The following VPS39 variants were observed in gnomAD, a reference collection of about 807,000 sequenced individuals.
The protein encoded by VPS39 is vam6/Vps39-like protein.
VPS39 carries 70 observed loss-of-function variants against 121.0 expected under a neutral mutation model. The ratio of observed to expected loss-of-function variants is 0.58; its 90% CI spans 0.48 to 0.71. The LOEUF is 0.71. Among genes scored for constraint, VPS39 ranks in the 30% least tolerant of loss-of-function variants. The pLI is 0.00. For missense variants in VPS39, 818 were observed against 1,051.5 expected, an observed-to-expected ratio of 0.78 and a Z score of 3.07; for synonymous variants, 378 against 398.1, an observed-to-expected ratio of 0.95 and a Z score of 0.60.
At chr15:42,205,063 C>G (rs921958589) in intron 1 of VPS39, among the ~76,000 whole-genome samples, 1 of 151,978 alleles carries the variant, frequency 6.6e-6, no homozygotes, top group Admixed American at 6.6e-5. Context: ...TTATAAAAGC[C>G]TAATACAGAT....
At chr15:42,168,634 C>G (rs1308318047) in intron 12 of VPS39, among the ~76,000 whole-genome samples, 1 of 151,784 alleles carries the variant, frequency 6.6e-6, no homozygotes, top group Non-Finnish European at 1.5e-5. Flanking sequence ...ACCTCTGCCT[C>G]CTGAGTTCAA....
intron 10 of VPS39, among the ~76,000 whole-genome samples, chr15:42,175,876 C>A (rs1386412974): frequency 6.6e-6 from 1 of 152,130 alleles, no homozygotes; most frequent in Non-Finnish European, 1.5e-5. Context: ...TGCTCTTGAT[C>A]CTAATCTAAC....
At position 42,169,772 on chromosome 15, in the gene VPS39, C is replaced by A. The variant is rs1450522734; in HGVS notation, c.1185G>T (p.Gly395=). The A allele has an allele frequency of 1.2e-6, 2 of 1,614,120 alleles. No individual in the cohort carries two copies. Among genetic ancestry groups the A allele is most frequent in the Admixed American group, 1.7e-5 (1 of 60,016 alleles). The change falls in exon 12 of 25, where the codon GGG becomes GGT. Residue 395 remains glycine (G), a synonymous_variant. Coordinates refer to ENST00000318006, the MANE Select transcript of VPS39 (RefSeq NM_015289.5). ...CTAAGTGAGCCTTCTCCAATTCAGC[C>A]CCGGAGAGCACAGGCAATGGGTTGG... ...QYPNPLPVLS[G]AELEKAHLAL... is the part of the protein sequence containing the mutation.
chr15:42,192,216 TATC>T (rs932168466), intron 2 of VPS39: 53 of 958,460 alleles, frequency 5.5e-5, no homozygotes, highest in Non-Finnish European at 7.7e-5. Flanking sequence ...AGAGAATAAT[TATC>T]ATCATCATCA....
chr15:42,181,446 C>T (rs1306735089), intron 8 of VPS39, among the ~76,000 whole-genome samples: 1 of 151,958 alleles, frequency 6.6e-6, no homozygotes, highest in Non-Finnish European at 1.5e-5. Flanking sequence ...TTCAGTTTTG[C>T]AACATAAAAA....
intron 11 of VPS39, among the ~76,000 whole-genome samples, chr15:42,173,396 T>C (rs2049384013): frequency 6.6e-6 from 1 of 152,230 alleles, no homozygotes; most frequent in Non-Finnish European, 1.5e-5. Context: ...CCAAGGACTT[T>C]GGTTCAGAAC....
chr15:42,196,837 G>T (rs2049950769), intron 2 of VPS39, among the ~76,000 whole-genome samples: 1 of 152,048 alleles, frequency 6.6e-6, no homozygotes, highest in Non-Finnish European at 1.5e-5. Context: ...TATACCCAAA[G>T]GATTATAGAT....
At chr15:42,161,630 C>T (rs769935979) in intron 24 of VPS39, 52 bp downstream of exon 24, 31 of 1,575,556 alleles carry the variant, frequency 2.0e-5, no homozygotes, top group Non-Finnish European at 2.6e-5. Context: ...GTTCTCCACC[C>T]CTGGGAACCT....
intron 22 of VPS39, 47 bp from the exon 23 acceptor site, chr15:42,162,213 G>C (rs772627937): frequency 4.3e-6 from 7 of 1,611,344 alleles, no homozygotes; most frequent in Non-Finnish European, 5.1e-6. Context: ...GAACAGGAGT[G>C]AGAATGAAGA....
intron 2 of VPS39, among the ~76,000 whole-genome samples, chr15:42,194,082 T>C (rs1353202314): frequency 1.3e-5 from 2 of 152,160 alleles, no homozygotes; most frequent in African/African-American, 4.8e-5. Context: ...AAAAGATGTG[T>C]TGCCAAAAGT....
intron 1 of VPS39, among the ~76,000 whole-genome samples, chr15:42,204,614 C>A (rs1219054491): frequency 6.6e-6 from 1 of 152,078 alleles, no homozygotes; most frequent in Non-Finnish European, 1.5e-5. Context: ...TGCACCACTG[C>A]ACTTCAGCCT....
chr15:42,208,004 C>T (rs575157005), intron 1 of VPS39, 77 bp downstream of exon 1: 4 of 1,487,662 alleles, frequency 2.7e-6, no homozygotes, highest in East Asian at 4.9e-5. Flanking sequence ...GGACGCCTGT[C>T]CACTTCCCCG....
intron 2 of VPS39, 77 bp downstream of exon 2, chr15:42,199,819 C>T (rs1199181724): frequency 1.4e-6 from 2 of 1,446,594 alleles, no homozygotes; most frequent in Non-Finnish European, 1.9e-6. Context: ...TTTAATGGTC[C>T]AGGAATAACT....
At chr15:42,176,620 G>A (rs1221588393) in intron 10 of VPS39, among the ~76,000 whole-genome samples, 1 of 152,038 alleles carries the variant, frequency 6.6e-6, no homozygotes, top group African/African-American at 2.4e-5. Context: ...GTAAGATGCT[G>A]AAATTCAGTG....
intron 10 of VPS39, among the ~76,000 whole-genome samples, chr15:42,174,903 G>A (rs2049417734): frequency 6.6e-6 from 1 of 152,068 alleles, no homozygotes; most frequent in African/African-American, 2.4e-5. Flanking sequence ...GAACCCAGGA[G>A]GCGGAGGTTG....
chr15:42,181,430 T>A (rs1271588592), intron 8 of VPS39, among the ~76,000 whole-genome samples: 1 of 152,176 alleles, frequency 6.6e-6, no homozygotes, highest in East Asian at 1.9e-4. Flanking sequence ...TTAATGGGTA[T>A]AGAGTTTCAG....
intron 8 of VPS39, among the ~76,000 whole-genome samples, chr15:42,182,224 T>C (rs1399919673): frequency 6.6e-6 from 1 of 152,254 alleles, no homozygotes; most frequent in Non-Finnish European, 1.5e-5. Context: ...TATTGTTTTA[T>C]ATTGAATTTT....
At chr15:42,169,983 AG>A in intron 11 of VPS39, 117 bp from the exon 12 acceptor site, 5 of 1,086,004 alleles carry the variant, frequency 4.6e-6, no homozygotes, top group African/African-American at 1.6e-5. Flanking sequence ...AAAAAAAAAA[AG>A]ACTCTCAGTT....
rs926704883 is a variant in VPS39, at chr15:42,189,357, AT to A, written c.248-150del. Reference sequence around the variant, plus strand: ...ATGTCCCTTCAGTTTCACTAGGATGATTCATTCTCACCTATAACCAGTACAA... The same window carrying A: ...ATGTCCCTTCAGTTTCACTAGGATGATCATTCTCACCTATAACCAGTACAA... On this transcript the variant is annotated intron_variant, in intron 4 of 24. Coordinates refer to ENST00000318006, the MANE Select transcript of VPS39 (RefSeq NM_015289.5). 22 of 631,470 alleles carry A rather than the reference AT, an allele frequency of 3.5e-5. No homozygotes were observed. In the African/African-American group the frequency reaches 4.0e-4, roughly 11 times the overall value. The allele number at this position is 631,470 out of a possible 1,614,324, so 39.1% of individuals were successfully genotyped here.
Sources: allele counts gnomAD v4.1 joint callset (sites outside exome capture counted in the v4.1 genomes callset), GRCh38; gene constraint gnomAD v4.1.1; transcripts MANE v1.5; gene names NCBI Gene and HGNC (gene_info 2026-07-23, HGNC 2026-07-21).